The following TRPV3 variants were observed in gnomAD, a reference collection of about 807,000 sequenced individuals.
The protein encoded by TRPV3 is transient receptor potential cation channel subfamily V member 3, also known as VRL-3.
Under a neutral mutation model 87.1 loss-of-function variants are expected in TRPV3, and 88 were observed. That is an observed-to-expected ratio of 1.01 (90% CI 0.85 to 1.21). TRPV3 has a LOEUF of 1.21. Among genes scored for constraint, TRPV3 ranks in the 50% most tolerant of loss-of-function variants. The pLI is 0.00. For synonymous variants in TRPV3, 438 were observed against 423.3 expected (o/e 1.03, Z -0.43); for missense variants, 1,054 against 1,030.1 (o/e 1.02, Z -0.32).
intron 6 of TRPV3, among the ~76,000 whole-genome samples, chr17:3,541,926 C>CTTTCT (rs1379211681): frequency 6.6e-6 from 1 of 151,928 alleles, no homozygotes; most frequent in Non-Finnish European, 1.5e-5. Context: ...CAGTGACTTT[C>CTTTCT]TTTCTTTTCT....
At chr17:3,514,739 C>G (rs2074160934) in intron 16 of TRPV3, 67 bp from the exon 17 acceptor site, 4 of 1,246,124 alleles carry the variant, frequency 3.2e-6, no homozygotes, top group Non-Finnish European at 2.3e-6. Context: ...AATAGCCCTG[C>G]GTTTGGGACG....
At chr17:3,525,879 T>C (rs1380981970) in intron 12 of TRPV3, among the ~76,000 whole-genome samples, 1 of 152,174 alleles carries the variant, frequency 6.6e-6, no homozygotes, top group African/African-American at 2.4e-5. Context: ...CCCACCAAAG[T>C]GCTGGGATTA....
chr17:3,524,474 C>T (rs763795301), intron 12 of TRPV3, 111 bp from the exon 13 acceptor site: 294 of 1,390,996 alleles, frequency 2.1e-4, no homozygotes, highest in Middle Eastern at 3.6e-4. Flanking sequence ...ACCCCGGTGA[C>T]GGATGCTGAA....
At chr17:3,543,361 T>A in intron 5 of TRPV3, 113 bp downstream of exon 5, 1 of 1,386,562 alleles carries the variant, frequency 7.2e-7, no homozygotes, top group Admixed American at 2.1e-5. Context: ...CTAGCCAGAA[T>A]TCAAGGCCCC....
Position 3,530,296 on chromosome 17 carries a change from T to C in TRPV3, c.1066-93A>G. The C allele has an allele frequency of 7.6e-7, 1 of 1,324,304 alleles. No individual in the cohort carries two copies. The highest frequency in any genetic ancestry group is 1.0e-6 in the Non-Finnish European group (1 of 969,790). 82.0% of individuals were successfully genotyped at this position (1,324,304 alleles called of 1,614,324 possible). A position where few individuals can be genotyped will look rare whatever the true frequency, so the allele number is the denominator to read the frequency against. On this transcript the variant is annotated intron_variant, in intron 8 of 17. Transcript: ENST00000576742. This position sits in a 1 kb window ranked among gnomAD's most constrained non-coding sequence, Gnocchi z 4.0. ...CCAGAGGCTGGCTGGGCCCAGGGGA[T>C]ACACCCGCCCAGAATGGGTGGAGAC...
intron 12 of TRPV3, 108 bp from the exon 13 acceptor site, chr17:3,524,471 T>C: frequency 7.2e-7 from 1 of 1,390,442 alleles, no homozygotes; most frequent in Non-Finnish European, 9.8e-7. Context: ...GTCACCCCGG[T>C]GACGGATGCT....
rs376341464 is a variant in TRPV3 at position 3,545,989 on chromosome 17, C to CA, written c.120-719dup. Among the ~76,000 whole-genome samples, 704 of 113,832 alleles carry CA rather than the reference C, an allele frequency of 6.2e-3. 7 individuals are homozygous for CA. Among genetic ancestry groups the CA allele is most frequent in the East Asian group, 0.026 (100 of 3,850 alleles). 74.7% of individuals were successfully genotyped at this position (113,832 alleles called of 152,430 possible). A position where few individuals can be genotyped will look rare whatever the true frequency, so the allele number is the denominator to read the frequency against. On this transcript the variant is annotated intron_variant, in intron 2 of 17. Transcript: ENST00000576742. ...TGCGTGACAGAGCAGGACTCCGTCT[C>CA]AAAAAAAAAAAAAAAAAAGAAAGAA...
intron 16 of TRPV3, among the ~76,000 whole-genome samples, chr17:3,516,017 C>T (rs2074180123): frequency 6.6e-6 from 1 of 151,844 alleles, no homozygotes; most frequent in Non-Finnish European, 1.5e-5. Flanking sequence ...TGAAACTCTG[C>T]CTCTACTAAA....
chr17:3,533,354 A>G (rs1016447854), intron 7 of TRPV3, among the ~76,000 whole-genome samples: 5 of 152,118 alleles, frequency 3.3e-5, no homozygotes, highest in Admixed American at 3.3e-4. Flanking sequence ...CTGCCTGTAG[A>G]TAGCCCAGTC....
rs754267704 is a variant in TRPV3, at chr17:3,529,012, A to C, written c.1243-17T>G. The C allele has an allele frequency of 3.1e-6, 5 of 1,613,930 alleles. No individual in the cohort carries two copies. In the African/African-American group the frequency reaches 6.7e-5, roughly 22 times the overall value. ...ATGCCGGTTCTAGGGGTAGAATGCC[A>C]CCAGTCACCATGGAGATGAGGGAGA... is the stretch of plus-strand genomic sequence containing the variant. On this transcript the variant is annotated splice_polypyrimidine_tract_variant and intron_variant, in intron 9 of 17. Coordinates refer to ENST00000576742, the MANE Select transcript of TRPV3 (RefSeq NM_145068.4).
At chr17:3,517,789 A>G (rs948741398) in intron 15 of TRPV3, among the ~76,000 whole-genome samples, 1 of 144,666 alleles carries the variant, frequency 6.9e-6, no homozygotes, top group Non-Finnish European at 1.5e-5. Context: ...AGGCACGCTC[A>G]CCTTTTTCCA....
Position 3,530,441 on chromosome 17 carries a change from A to C in TRPV3, c.1066-238T>G, listed in dbSNP as rs562959457. ...TGAATACCAGGGACAAAGGGTGTGA[A>C]GGTTCTTCGCAGGCTGCAGCAAGCT... On this transcript the variant is annotated intron_variant, in intron 8 of 17. Transcript: ENST00000576742. The surrounding 1 kb of genome is among the most constrained non-coding windows in gnomAD (Gnocchi z 4.0). Among the ~76,000 whole-genome samples the C allele has an allele frequency of 6.6e-6, 1 of 152,002 alleles. No homozygotes were observed. Among genetic ancestry groups the C allele is most frequent in the East Asian group, 1.9e-4 (1 of 5,184 alleles).
intron 13 of TRPV3, among the ~76,000 whole-genome samples, chr17:3,523,459 C>T (rs1312360904): frequency 1.3e-5 from 2 of 152,156 alleles, no homozygotes; most frequent in South Asian, 2.1e-4. Context: ...TGGTTCATGC[C>T]TGTAATCCCA....
Position 3,528,874 on chromosome 17 carries a change from A to G in TRPV3, c.1364T>C (p.Leu455Pro). 8 of 1,614,196 alleles carry G rather than the reference A, an allele frequency of 5.0e-6. No individual in the cohort carries two copies. Among genetic ancestry groups the G allele is most frequent in the Non-Finnish European group, 6.8e-6 (8 of 1,180,016 alleles). ...FCFYFFYNIT[L>P]TLVSYYRPRE... The stretch of plus-strand genomic sequence containing the variant: ...GGGGCGGTAGTACGAGACGAGGGTC[A>G]GGGTGATGTTGTAGAAGAAATAAAA... Residue 455 changes from leucine to proline, a missense_variant, in exon 10 of 18, where the codon CTG (leucine) becomes CCG (proline). Transcript: ENST00000576742. The surrounding 1 kb of genome is among the most constrained non-coding windows in gnomAD (Gnocchi z 4.2).
Position 3,528,062 on chromosome 17 carries a change from A to G in TRPV3, c.1466T>C (p.Phe489Ser). The change falls in exon 11 of 18, where the codon TTT becomes TCT. Residue 489 changes from phenylalanine (F) to serine (S), a missense_variant. Coordinates refer to ENST00000576742, the MANE Select transcript of TRPV3 (RefSeq NM_145068.4). This position sits in a 1 kb window ranked among gnomAD's most constrained non-coding sequence, Gnocchi z 4.2. ...MGWLQLLGRMFVLIWAMCISV... is the reference protein window; with the variant it reads ...MGWLQLLGRMSVLIWAMCISV... ...GATGCACATGGCCCAGATGAGCACAAACATCCTCCCTAGGAGCTGCAGCCA... is the reference window on the plus strand; with the variant it reads ...GATGCACATGGCCCAGATGAGCACAGACATCCTCCCTAGGAGCTGCAGCCA... The G allele has an allele frequency of 6.2e-7, 1 of 1,613,762 alleles. No homozygotes were observed.
At position 3,514,593 on chromosome 17, in the gene TRPV3, C is replaced by T. The variant is rs768756820; in HGVS notation, c.2278G>A (p.Asp760Asn). 6.2e-7 allele frequency: 1 copy of T among 1,612,266 alleles called. No homozygotes were observed. Among genetic ancestry groups the T allele is most frequent in the Non-Finnish European group, 8.5e-7 (1 of 1,178,322 alleles). Residue 760 changes from aspartate to asparagine, a missense_variant and splice_region_variant, in exon 17 of 18, where the codon GAT (aspartate) becomes AAT (asparagine). Coordinates refer to ENST00000576742, the MANE Select transcript of TRPV3 (RefSeq NM_145068.4). ...CCATGTCACCTCACAGCGACAGTAC[C>T]TGTTCGTCTTACAGGCCCCGGGTCT... ...NEDPGPVRRTDFNKIQDSSRN... is the reference protein window; with the variant it reads ...NEDPGPVRRTNFNKIQDSSRN...
chr17:3,526,813 C>T, intron 12 of TRPV3, 41 bp downstream of exon 12: 1 of 1,548,422 alleles, frequency 6.5e-7, no homozygotes, highest in Non-Finnish European at 8.9e-7. Context: ...GGACGTCAAC[C>T]CTGCCTGTGA....
chr17:3,532,889 A>G lies in TRPV3; in HGVS notation c.833T>C (p.Val278Ala). Reference sequence around the variant, plus strand: ...CTGCTCGTGCTCCATCAGCAGCTGCACAATCTCGGGCTGGTTGGTGCATGC... The same window carrying G: ...CTGCTCGTGCTCCATCAGCAGCTGCGCAATCTCGGGCTGGTTGGTGCATGC... ...LAACTNQPEI[V>A]QLLMEHEQTD... The change falls in exon 8 of 18, where the codon GTG (valine) becomes GCG (alanine). Residue 278 changes from valine to alanine, a missense_variant. Physicochemically the swap from Val to Ala is moderately conservative, Grantham distance 64. Transcript: ENST00000576742. The G allele has an allele frequency of 6.2e-7, 1 of 1,614,176 alleles. No homozygotes were observed. The highest frequency in any genetic ancestry group is 8.5e-7 in the Non-Finnish European group (1 of 1,180,016).
rs375326175 is a variant in TRPV3, at chr17:3,513,731, C to T, written c.*186G>A. ...AAGTAACAAAATCCAGGATGTTTCC[C>T]ACTCAGACAAATTGACAACTGCCCC... On this transcript the variant is annotated 3_prime_UTR_variant, in exon 18 of 18. Coordinates refer to ENST00000576742, the MANE Select transcript of TRPV3 (RefSeq NM_145068.4). 3.0e-4 allele frequency: 154 copies of T among 517,092 alleles called. No individual in the cohort carries two copies. The highest frequency in any genetic ancestry group is 2.4e-3 in the African/African-American group (128 of 52,638). The allele number at this position is 517,092 out of a possible 1,614,324, so 32.0% of individuals were successfully genotyped here. A position where few individuals can be genotyped will look rare whatever the true frequency, so the allele number is the denominator to read the frequency against.
Sources: allele counts gnomAD v4.1 joint callset (sites outside exome capture counted in the v4.1 genomes callset), GRCh38; gene constraint gnomAD v4.1.1; non-coding constraint Gnocchi (gnomAD v3.1); transcripts MANE v1.5; gene names NCBI Gene and HGNC (gene_info 2026-07-23, HGNC 2026-07-21).